PKD2L2: variants seen among roughly 807,000 people sequenced by gnomAD.
PKD2L2 encodes the protein polycystin-2-like protein 2.
In PKD2L2, 67 loss-of-function variants were observed where a neutral mutation model predicts 83.9. The ratio of observed to expected loss-of-function variants is 0.80; its 90% CI spans 0.66 to 0.98. The LOEUF (loss-of-function observed/expected upper bound fraction) is 0.98, where lower values mean the gene tolerates loss of function less well. Ranked by LOEUF, PKD2L2 falls within the 50% of genes least tolerant of loss-of-function variation. The pLI, the probability that PKD2L2 is intolerant of heterozygous loss-of-function variation, is 0.00. For synonymous variants in PKD2L2, 223 were observed against 237.8 expected, an observed-to-expected ratio of 0.94 and a Z score of 0.57; for missense variants, 632 against 717.2, an observed-to-expected ratio of 0.88 and a Z score of 1.36.
Position 137,889,535 on chromosome 5 carries a change from C to CT in PKD2L2, c.31+15dup, listed in dbSNP as rs1650005362. ...TGGCACCGAGGCGGTGAGGGGTCCT[C>CT]TTAAGGAGTGGGAGGGACAGGGGCG... On this transcript the variant is annotated intron_variant, in intron 1 of 14. Coordinates refer to ENST00000508883, the MANE Select transcript of PKD2L2 (RefSeq NM_001300921.2). 1 of 1,545,458 alleles carries CT rather than the reference C, an allele frequency of 6.5e-7. No homozygotes were observed. The highest frequency in any genetic ancestry group is 1.4e-5 in the African/African-American group (1 of 69,020).
Position 137,921,725 on chromosome 5 carries a change from CT to C in PKD2L2, c.1421del (p.Phe474SerfsTer10), listed in dbSNP as rs1161565371. ...NPILGPIYFI[T>X]FIFFVFFVLL... The stretch of plus-strand genomic sequence containing the variant: ...ATCTTGGGACCCATTTACTTCATCA[CT>C]TTCATCTTTTTTGTGTTCTTTGTCC... On this transcript the variant is annotated frameshift_variant, in exon 9 of 15. Transcript: ENST00000508883. LOFTEE classifies it high-confidence loss of function. 6.2e-7 allele frequency: 1 copy of C among 1,607,912 alleles called. No homozygotes were observed. The highest frequency in any genetic ancestry group is 8.5e-7 in the Non-Finnish European group (1 of 1,175,758).
At position 137,921,708 on chromosome 5, in the gene PKD2L2, AC is replaced by A. The variant is rs766457194; in HGVS notation, c.1404del (p.Ile469PhefsTer15). ...TTCAGCAAGCCAATCCTATCTTGGG[AC>A]CCATTTACTTCATCACTTTCATCTT... ...GIQQANPILG[P>X]IYFITFIFFV... On this transcript the variant is annotated frameshift_variant, in exon 9 of 15. Coordinates refer to ENST00000508883, the MANE Select transcript of PKD2L2 (RefSeq NM_001300921.2). LOFTEE classifies it high-confidence loss of function. 3 of 1,609,198 alleles carry A rather than the reference AC, an allele frequency of 1.9e-6. No homozygotes were observed. In the South Asian group the frequency reaches 3.3e-5, roughly 18 times the overall value.
intron 5 of PKD2L2, among the ~76,000 whole-genome samples, chr5:137,904,451 C>T (rs577216710): frequency 1.7e-4 from 26 of 152,278 alleles, no homozygotes; most frequent in South Asian, 6.2e-4. Context: ...AAAAAGAATG[C>T]GATCATATCC....
chr5:137,916,272 T>C (rs760949446), intron 8 of PKD2L2, among the ~76,000 whole-genome samples: 5 of 151,796 alleles, frequency 3.3e-5, no homozygotes, highest in Non-Finnish European at 5.9e-5. Context: ...GACTCCCAGG[T>C]TCAAGCAATT....
chr5:137,924,796 T>C (rs1759236106), intron 10 of PKD2L2, among the ~76,000 whole-genome samples: 1 of 152,172 alleles, frequency 6.6e-6, no homozygotes, highest in Non-Finnish European at 1.5e-5. Flanking sequence ...TTTAAAGATT[T>C]TTGCTTTTTC....
At chr5:137,932,324 GACA>G (rs1212064071) in intron 12 of PKD2L2, among the ~76,000 whole-genome samples, 4 of 150,728 alleles carry the variant, frequency 2.7e-5, no homozygotes, top group Admixed American at 6.6e-5. Context: ...CTCCAGCCTG[GACA>G]ACAAGAGCGA....
In PKD2L2 at chr5:137,899,605, C is replaced by A. The variant is rs1288897889; in HGVS notation, c.614C>A (p.Ser205Ter). The A allele has an allele frequency of 6.2e-7, 1 of 1,613,750 alleles. No individual in the cohort carries two copies. The change falls in exon 5 of 15, where the codon TCA becomes TAA. Residue 205 changes from serine to a stop codon, truncating the protein, a stop_gained. Transcript: ENST00000508883. LOFTEE classifies it high-confidence loss of function. ...YRNGGYIFTL[S>*]KSKSETKNKF... ...AATGGGGGATACATTTTCACTTTAT[C>A]AAAATCGAAATCTGAAACCAAAAAC...
intron 14 of PKD2L2, chr5:137,940,486 G>GGTA: frequency 1.6e-6 from 1 of 607,204 alleles, no homozygotes; most frequent in Non-Finnish European, 2.8e-6. Context: ...AAAAAAAAAG[G>GGTA]TTATTGAACT....
Position 137,936,375 on chromosome 5 carries a change from C to T in PKD2L2, c.1840C>T (p.Leu614=), listed in dbSNP as rs763686686. The change falls in exon 14 of 15, where the codon CTA becomes TTA. Residue 614 remains leucine (L), a synonymous_variant. Transcript: ENST00000508883. ...GGAATTACACTACATCAATTTGAAG[C>T]TAAATCAAGTGGTGAGAAAGGTTTC... The part of the protein sequence containing the change: ...EKELHYINLK[L]NQVVRKVSAL 2.6e-6 allele frequency: 4 copies of T among 1,533,982 alleles called. No individual in the cohort carries two copies. The South Asian group carries it at 4.8e-5, about 18-fold the overall frequency.
chr5:137,897,863 T>C (rs1426454619), intron 4 of PKD2L2, among the ~76,000 whole-genome samples: 1 of 152,188 alleles, frequency 6.6e-6, no homozygotes, highest in East Asian at 1.9e-4. Flanking sequence ...CTTTCAAATC[T>C]GTTTTTGGGG....
At chr5:137,898,101 G>A (rs55666850) in intron 4 of PKD2L2, among the ~76,000 whole-genome samples, 23,147 of 151,760 alleles carry the variant, frequency 0.15, 1,917 homozygotes, top group Non-Finnish European at 0.17. Context: ...CAAATAGGTG[G>A]TATAACAGGC....
chr5:137,935,857 T>C lies in PKD2L2; in HGVS notation c.1732T>C (p.Ser578Pro). Residue 578 changes from serine (S) to proline (P), a missense_variant, in exon 13 of 15, where the codon TCT (serine) becomes CCT (proline). Coordinates refer to ENST00000508883, the MANE Select transcript of PKD2L2 (RefSeq NM_001300921.2). ...WKERLEKKYY[S>P]MEIQDDYQPV... The stretch of plus-strand genomic sequence containing the variant: ...AGAGAGGCTTGAGAAAAAGTATTAT[T>C]CTATGGAAATTCAAGATGACTACCA... The C allele has an allele frequency of 6.2e-7, 1 of 1,611,700 alleles. No homozygotes were observed. Among genetic ancestry groups the C allele is most frequent in the East Asian group, 2.2e-5 (1 of 44,866 alleles).
Position 137,908,087 on chromosome 5 carries a change from G to T in PKD2L2, c.1146+175G>T, listed in dbSNP as rs566905041. On this transcript the variant is annotated intron_variant, in intron 7 of 14. Coordinates refer to ENST00000508883, the MANE Select transcript of PKD2L2 (RefSeq NM_001300921.2). ...CCTAGCACTTTGGAAGGCCAAGGCA[G>T]GTAGATTCTTGGCCCCAGGAGTTTG... is the stretch of plus-strand genomic sequence containing the variant. Among the ~76,000 whole-genome samples the T allele has an allele frequency of 2.3e-3, 356 of 152,290 alleles. 4 individuals are homozygous for T. The highest frequency in any genetic ancestry group is 2.5e-3 in the Non-Finnish European group (172 of 68,034).
intron 14 of PKD2L2, chr5:137,940,499 T>C: frequency 1.7e-6 from 1 of 589,852 alleles, no homozygotes; most frequent in Non-Finnish European, 2.9e-6. Context: ...ATTGAACTAA[T>C]ACCCTCATCC....
rs1277926918 is a variant in PKD2L2, at chr5:137,894,176, G to A, written c.268-177G>A. On this transcript the variant is annotated intron_variant, in intron 3 of 14. Transcript: ENST00000508883. Reference sequence around the variant, plus strand: ...TAGAGCAGTGCCTAGTACACAGTACGTGCTTAATGAGTGTTAACCATCCAC... The same window carrying A: ...TAGAGCAGTGCCTAGTACACAGTACATGCTTAATGAGTGTTAACCATCCAC... Among the ~76,000 whole-genome samples, 3 of 152,176 alleles carry A rather than the reference G, an allele frequency of 2.0e-5. 1 individual carries two copies. Among genetic ancestry groups the A allele is most frequent in the East Asian group, 1.9e-4 (1 of 5,202 alleles).
intron 4 of PKD2L2, among the ~76,000 whole-genome samples, chr5:137,897,714 G>A (rs1756602299): frequency 6.6e-6 from 1 of 152,170 alleles, no homozygotes; most frequent in East Asian, 1.9e-4. Context: ...TAATAGTCAT[G>A]TGTGGAAAAC....
At position 137,922,426 on chromosome 5, in the gene PKD2L2, TA is replaced by T. The variant is rs574830118; in HGVS notation, c.1449+676del. Among the ~76,000 whole-genome samples, 27 of 152,150 alleles carry T rather than the reference TA, an allele frequency of 1.8e-4. No individual in the cohort carries two copies. In the South Asian group the frequency reaches 5.4e-3, roughly 30 times the overall value. ...GTAAATTTAAACAGCTTCATAGAAT[TA>T]AAAAACAACAGTAACAACAAACATC... On this transcript the variant is annotated intron_variant, in intron 9 of 14. Coordinates refer to ENST00000508883, the MANE Select transcript of PKD2L2 (RefSeq NM_001300921.2).
chr5:137,899,790 T>G, intron 5 of PKD2L2, 53 bp downstream of exon 5: 3 of 957,740 alleles, frequency 3.1e-6, no homozygotes, highest in Non-Finnish European at 4.9e-6. Flanking sequence ...CCTACAAAAC[T>G]TCTTTATTAG....
intron 2 of PKD2L2, among the ~76,000 whole-genome samples, chr5:137,891,912 C>T (rs1354006484): frequency 6.6e-6 from 1 of 152,136 alleles, no homozygotes; most frequent in African/African-American, 2.4e-5. Context: ...TCTCGAACTC[C>T]TGATCTCAGG....
Sources: allele counts gnomAD v4.1 joint callset (sites outside exome capture counted in the v4.1 genomes callset), GRCh38; gene constraint gnomAD v4.1.1; transcripts MANE v1.5; gene names NCBI Gene and HGNC (gene_info 2026-07-23, HGNC 2026-07-21).